ZBTB46: variants seen among roughly 807,000 people sequenced by gnomAD.
The protein encoded by ZBTB46 is zinc finger and BTB domain containing 46, also known as zinc finger and BTB domain-containing protein 46.
A neutral mutation model predicts 44.1 loss-of-function variants in ZBTB46; 8 were observed. The observed-to-expected ratio is 0.18, with a 90% confidence interval of 0.11 to 0.33. The LOEUF (loss-of-function observed/expected upper bound fraction) is 0.33. Ranked by LOEUF, ZBTB46 falls within the 10% of genes least tolerant of loss-of-function variation. The pLI, the probability that ZBTB46 is intolerant of heterozygous loss-of-function variation, is 1.00. For synonymous variants in ZBTB46, 409 were observed against 382.3 expected, an observed-to-expected ratio of 1.07 and a Z score of -0.81; for missense variants, 651 against 847.7, an observed-to-expected ratio of 0.77 and a Z score of 2.88.
intron 1 of ZBTB46, among the ~76,000 whole-genome samples, chr20:63,792,095 G>A (rs1476196315): frequency 6.6e-6 from 1 of 152,186 alleles, no homozygotes; most frequent in Non-Finnish European, 1.5e-5. Flanking sequence ...AAGGACACCA[G>A]TCGTCCGGGA....
At chr20:63,798,213 A>C (rs1054917863) in intron 1 of ZBTB46, among the ~76,000 whole-genome samples, 2 of 152,076 alleles carry the variant, frequency 1.3e-5, no homozygotes, top group African/African-American at 4.8e-5. Flanking sequence ...CTTTCTCCAT[A>C]TGGCTAGCCA....
chr20:63,774,410 A>G (rs1016285464), intron 3 of ZBTB46, among the ~76,000 whole-genome samples: 7 of 152,250 alleles, frequency 4.6e-5, no homozygotes, highest in East Asian at 1.9e-4. Flanking sequence ...AAATCCCAGC[A>G]TCAAGGACAG....
At chr20:63,800,877 G>A (rs764107940) in intron 1 of ZBTB46, among the ~76,000 whole-genome samples, 4 of 152,176 alleles carry the variant, frequency 2.6e-5, no homozygotes, top group South Asian at 2.1e-4. Context: ...CTGCTCTACC[G>A]CGCTGGGTCC....
At chr20:63,772,468 C>T (rs533175333) in intron 3 of ZBTB46, among the ~76,000 whole-genome samples, 36 of 152,156 alleles carry the variant, frequency 2.4e-4, no homozygotes, top group African/African-American at 6.7e-4. Flanking sequence ...CCTATAAACC[C>T]GGCACTTTGG....
intron 1 of ZBTB46, among the ~76,000 whole-genome samples, chr20:63,825,368 T>C (rs1045801117): frequency 7.5e-6 from 1 of 133,118 alleles, no homozygotes; most frequent in Admixed American, 8.3e-5. Context: ...GTCACTGCAC[T>C]CCAGCCTGGG....
At chr20:63,825,958 G>A (rs1441263689) in intron 1 of ZBTB46, among the ~76,000 whole-genome samples, 2 of 152,334 alleles carry the variant, frequency 1.3e-5, no homozygotes, top group African/African-American at 2.4e-5. Context: ...CGTGGGCCAC[G>A]CGGTCCAGGT....
intron 1 of ZBTB46, among the ~76,000 whole-genome samples, chr20:63,791,976 G>A (rs2092564523): frequency 6.6e-6 from 1 of 152,132 alleles, no homozygotes; most frequent in Non-Finnish European, 1.5e-5. Flanking sequence ...GCCTGTTCCA[G>A]CCCCTCCCCC....
At chr20:63,807,511 A>C (rs1397771625) in intron 1 of ZBTB46, among the ~76,000 whole-genome samples, 5 of 151,950 alleles carry the variant, frequency 3.3e-5, no homozygotes, top group Non-Finnish European at 7.4e-5. Context: ...TACCTGGCTA[A>C]TTTTTGCATT....
intron 3 of ZBTB46, among the ~76,000 whole-genome samples, chr20:63,758,905 T>C (rs929447078): frequency 4.7e-5 from 3 of 64,074 alleles, no homozygotes; most frequent in Non-Finnish European, 8.6e-5. Flanking sequence ...CTAATTTTTT[T>C]GAATTTTTAA....
intron 2 of ZBTB46, among the ~76,000 whole-genome samples, chr20:63,777,950 A>G (rs1327647943): frequency 6.6e-6 from 1 of 152,248 alleles, no homozygotes; most frequent in Non-Finnish European, 1.5e-5. Context: ...AGAAGGCCAC[A>G]TGCCATTTCA....
intron 3 of ZBTB46, among the ~76,000 whole-genome samples, chr20:63,761,342 T>G (rs1346353316): frequency 6.6e-6 from 1 of 152,192 alleles, no homozygotes; most frequent in Non-Finnish European, 1.5e-5. Context: ...TCTTTGGGCT[T>G]AATTTGCTAT....
intron 3 of ZBTB46, among the ~76,000 whole-genome samples, chr20:63,762,707 C>G (rs911021232): frequency 6.6e-6 from 1 of 151,810 alleles, no homozygotes; most frequent in Non-Finnish European, 1.5e-5. Context: ...CTGTTAGGAG[C>G]AATATGCATT....
At chr20:63,812,027 A>G (rs1005249579) in intron 1 of ZBTB46, among the ~76,000 whole-genome samples, 1 of 152,206 alleles carries the variant, frequency 6.6e-6, no homozygotes, top group Non-Finnish European at 1.5e-5. Flanking sequence ...ACAAGGCTTT[A>G]GTGCTGACCC....
chr20:63,776,735 TG>T (rs2092428793), intron 2 of ZBTB46, among the ~76,000 whole-genome samples: 1 of 141,974 alleles, frequency 7.0e-6, no homozygotes, highest in Non-Finnish European at 1.5e-5. Flanking sequence ...ACCCAGGAGG[TG>T]GAGGTTGCAA....
upstream of ZBTB46, among the ~76,000 whole-genome samples, chr20:63,831,750 C>G (rs2092853641): frequency 6.6e-6 from 1 of 151,076 alleles, no homozygotes; most frequent in Non-Finnish European, 1.5e-5. Context: ...GCAGGTTCCT[C>G]GGGGGCGCGC....
chr20:63,796,472 GT>G (rs1242497055), intron 1 of ZBTB46, among the ~76,000 whole-genome samples: 1 of 152,234 alleles, frequency 6.6e-6, no homozygotes, highest in Non-Finnish European at 1.5e-5. Context: ...TGATCTCTCT[GT>G]TTTGCCTCTG....
intron 1 of ZBTB46, among the ~76,000 whole-genome samples, chr20:63,791,429 G>C (rs2092559756): frequency 6.8e-6 from 1 of 146,654 alleles, no homozygotes; most frequent in African/African-American, 2.5e-5. Context: ...CCGGGAGGCG[G>C]AGCCTGCAGT....
intron 1 of ZBTB46, among the ~76,000 whole-genome samples, chr20:63,800,183 A>G (rs939105365): frequency 1.3e-5 from 2 of 152,136 alleles, no homozygotes; most frequent in Non-Finnish European, 2.9e-5. Context: ...CCGTCCCCCT[A>G]TACAGGTCAC....
rs549668196 is a variant in ZBTB46, at chr20:63,824,613, C to T, written c.-34+6484G>A. ...ATTTCACGTGGCCAAGGAACACTTA[C>T]CGCCTTCCCCCACCCCCGTTCTTCT... On this transcript the variant is annotated intron_variant, in intron 1 of 4. Coordinates refer to ENST00000245663, the MANE Select transcript of ZBTB46 (RefSeq NM_001369741.1). Among the ~76,000 whole-genome samples, 8 of 152,156 alleles carry T rather than the reference C, an allele frequency of 5.3e-5. No individual in the cohort carries two copies. In the South Asian group the frequency reaches 1.2e-3, roughly 24 times the overall value.
Sources: allele counts gnomAD v4.1 joint callset (sites outside exome capture counted in the v4.1 genomes callset), GRCh38; gene constraint gnomAD v4.1.1; transcripts MANE v1.5; gene names NCBI Gene and HGNC (gene_info 2026-07-23, HGNC 2026-07-21).